Variants in BAZ1A observed in about 807,000 individuals in gnomAD.
BAZ1A encodes the protein bromodomain adjacent to zinc finger domain 1A.
In BAZ1A, 50 loss-of-function variants were observed where a neutral mutation model predicts 185.2. That is an observed-to-expected ratio of 0.27 (90% confidence interval 0.22 to 0.34). The LOEUF (loss-of-function observed/expected upper bound fraction) is 0.34. BAZ1A is among the 10% of genes least tolerant of loss of function. BAZ1A has a pLI of 1.00. For synonymous variants in BAZ1A, 571 were observed against 615.6 expected, an observed-to-expected ratio of 0.93 and a Z score of 1.07; for missense variants, 1,356 against 1,839.9, an observed-to-expected ratio of 0.74 and a Z score of 4.81.
At position 34,825,447 on chromosome 14, in the gene BAZ1A, C is replaced by CAAAAAA. The variant is rs35449855; in HGVS notation, c.536+560_536+565dup. 7.5e-3 allele frequency among the ~76,000 whole-genome samples: 414 copies of CAAAAAA among 55,378 alleles called. 51 individuals carry two copies. Among genetic ancestry groups the CAAAAAA allele is most frequent in the Middle Eastern group, 0.02 (2 of 100 alleles). The allele number at this position is 55,378 out of a possible 152,430, so 36.3% of individuals were successfully genotyped here. On this transcript the variant is annotated intron_variant, in intron 4 of 26. Transcript: ENST00000360310. ...GGGCAACAAGATGGAAACTCTGTCT[C>CAAAAAA]AAAAAAAAAAAAAAAAAAAAAAAAA...
intron 3 of BAZ1A, among the ~76,000 whole-genome samples, chr14:34,837,249 CTT>C (rs956528567): frequency 6.6e-5 from 10 of 151,098 alleles, no homozygotes; most frequent in African/African-American, 2.2e-4. Context: ...TAATAAGTCT[CTT>C]TTTTTCTTTT....
In BAZ1A at chr14:34,811,048, A is replaced by G. The variant is rs779804080; in HGVS notation, c.537-12T>C. Reference sequence around the variant, plus strand: ...CATCTTTTTTCTTCCTAAAAAGAAGAGGGAAAAGACACAAATCAGTTAATA... The same window carrying G: ...CATCTTTTTTCTTCCTAAAAAGAAGGGGGAAAAGACACAAATCAGTTAATA... On this transcript the variant is annotated splice_polypyrimidine_tract_variant and intron_variant, in intron 4 of 26. Transcript: ENST00000360310. The G allele has an allele frequency of 7.3e-6, 11 of 1,512,734 alleles. No homozygotes were observed. In the South Asian group the frequency reaches 1.3e-4, roughly 18 times the overall value. 93.7% of individuals were successfully genotyped at this position (1,512,734 alleles called of 1,614,324 possible).
chr14:34,803,047 A>G, intron 6 of BAZ1A, 59 bp from the exon 7 acceptor site: 1 of 1,482,328 alleles, frequency 6.7e-7, no homozygotes, highest in South Asian at 1.2e-5. Context: ...ACATACAGAT[A>G]TGCCCTAACA....
rs1186378017 is a variant in BAZ1A, at chr14:34,765,099, T to C, written c.3471A>G (p.Lys1157=). Residue 1157 remains lysine, a synonymous_variant, in exon 22 of 27, where the codon AAA becomes AAG. Transcript: ENST00000360310. ...AAAGAACCATGTTTTCAGCATCGCC[T>C]TTCTTTCGACATATCTTGCAACGCG... The part of the protein sequence containing the change: ...LNARCKICRK[K]GDAENMVLCD... 1 of 1,614,220 alleles carries C rather than the reference T, an allele frequency of 6.2e-7. No homozygotes were observed. Among genetic ancestry groups the C allele is most frequent in the Non-Finnish European group, 8.5e-7 (1 of 1,180,036 alleles).
intron 3 of BAZ1A, among the ~76,000 whole-genome samples, chr14:34,837,484 C>T (rs1473632604): frequency 6.6e-6 from 1 of 150,386 alleles, no homozygotes; most frequent in Admixed American, 6.6e-5. Context: ...AACAATCCTC[C>T]TGCCTCAGTC....
At chr14:34,858,629 T>A (rs528921742) in intron 3 of BAZ1A, among the ~76,000 whole-genome samples, 3 of 152,116 alleles carry the variant, frequency 2.0e-5, no homozygotes, top group East Asian at 1.9e-4. Context: ...ATTTAAAAAA[T>A]TTTTATCAAG....
chr14:34,845,274 C>CTTTTTTT (rs71121228), intron 3 of BAZ1A: 1 of 132,486 alleles, frequency 7.5e-6, no homozygotes, highest in Non-Finnish European at 1.6e-5. Context: ...TCAACTTTTT[C>CTTTTTTT]TTTTTTTTTT....
chr14:34,763,421 TAAAA>T (rs1162162277), intron 23 of BAZ1A, among the ~76,000 whole-genome samples: 15 of 134,068 alleles, frequency 1.1e-4, no homozygotes, highest in African/African-American at 3.8e-4. Context: ...TTCAAATGTT[TAAAA>T]AAAAAAAAAA....
intron 21 of BAZ1A, chr14:34,768,894 G>T: frequency 4.1e-6 from 1 of 244,438 alleles, no homozygotes; most frequent in East Asian, 1.1e-4. Context: ...ACATCCTCAT[G>T]TATCTTACCT....
In BAZ1A at chr14:34,792,944, G is replaced by A. The variant is rs1308363973; in HGVS notation, c.1364-23C>T. ...CTTCTGTGAATAAAATGTTTAAAAT[G>A]AATTTAAAGTTCTGTTCATGTACTG... On this transcript the variant is annotated intron_variant, in intron 11 of 26. Coordinates refer to ENST00000360310, the MANE Select transcript of BAZ1A (RefSeq NM_013448.3). The A allele has an allele frequency of 5.7e-6, 9 of 1,590,584 alleles. No individual in the cohort carries two copies. In the South Asian group the frequency reaches 8.1e-5, roughly 14 times the overall value.
chr14:34,841,443 T>G (rs1475995341), intron 3 of BAZ1A, among the ~76,000 whole-genome samples: 1 of 152,108 alleles, frequency 6.6e-6, no homozygotes, highest in Non-Finnish European at 1.5e-5. Flanking sequence ...CAGGCTGGAG[T>G]GCAATGGTGC....
intron 6 of BAZ1A, 59 bp downstream of exon 6, chr14:34,807,392 T>G: frequency 7.8e-7 from 1 of 1,288,248 alleles, no homozygotes. Context: ...TGTTATAACT[T>G]TATAACACTA....
chr14:34,862,102 C>T lies in BAZ1A; in HGVS notation c.334G>A (p.Val112Ile). Residue 112 changes from valine (V) to isoleucine (I), a missense_variant, in exon 3 of 27, where the codon GTC becomes ATC. Physicochemically the swap from Val to Ile is conservative, Grantham distance 29 (BLOSUM62 3). Around this residue, in one of 7 missense-constraint regions of BAZ1A, gnomAD observed 332 missense variants for 395.3 expected, o/e 0.84. Coordinates refer to ENST00000360310, the MANE Select transcript of BAZ1A (RefSeq NM_013448.3). ...HEICDDIFAY[V>I]KDRYFVEETV... ...TCTTCGACAAAATATCGATCCTTGACATATGCAAAGATATCATCACAAATT... is the reference window on the plus strand; with the variant it reads ...TCTTCGACAAAATATCGATCCTTGATATATGCAAAGATATCATCACAAATT... 1 of 1,614,144 alleles carries T rather than the reference C, an allele frequency of 6.2e-7. No homozygotes were observed. Among genetic ancestry groups the T allele is most frequent in the Non-Finnish European group, 8.5e-7 (1 of 1,179,996 alleles).
At chr14:34,824,067 T>C (rs1241527818) in intron 4 of BAZ1A, among the ~76,000 whole-genome samples, 1 of 151,826 alleles carries the variant, frequency 6.6e-6, no homozygotes, top group Non-Finnish European at 1.5e-5. Flanking sequence ...TAATTTATTT[T>C]TCTGGTTAAT....
intron 3 of BAZ1A, among the ~76,000 whole-genome samples, chr14:34,847,004 A>C (rs2042523884): frequency 6.6e-6 from 1 of 152,212 alleles, no homozygotes; most frequent in Non-Finnish European, 1.5e-5. Context: ...TAATCCCAGC[A>C]CTTTGGGAGG....
chr14:34,794,291 A>C (rs147629045), intron 11 of BAZ1A, among the ~76,000 whole-genome samples: 3 of 152,240 alleles, frequency 2.0e-5, no homozygotes, highest in Admixed American at 6.5e-5. Context: ...GTAAAAGTAT[A>C]TAAGTACACA....
chr14:34,776,006 T>G lies in BAZ1A; in HGVS notation c.2746A>C (p.Ser916Arg). 1 of 1,614,160 alleles carries G rather than the reference T, an allele frequency of 6.2e-7. No individual in the cohort carries two copies. The highest frequency in any genetic ancestry group is 8.5e-7 in the Non-Finnish European group (1 of 1,179,968). Residue 916 changes from serine (S) to arginine (R), a missense_variant, in exon 18 of 27, where the codon AGT (serine) becomes CGT (arginine). Around this residue, in one of 7 missense-constraint regions of BAZ1A, gnomAD observed 434 missense variants for 561.7 expected, o/e 0.77. Coordinates refer to ENST00000360310, the MANE Select transcript of BAZ1A (RefSeq NM_013448.3). ...EALNSRGHRE[S>R]ALKETLLQEK... ...TGTAACAAAGTTTCTTTTAAGGCACTTTCTCTATGTCCTCTAGAATTAAGA... is the reference window on the plus strand; with the variant it reads ...TGTAACAAAGTTTCTTTTAAGGCACGTTCTCTATGTCCTCTAGAATTAAGA...
chr14:34,801,448 C>T (rs1410235119), intron 7 of BAZ1A, among the ~76,000 whole-genome samples: 1 of 99,814 alleles, frequency 1.0e-5, no homozygotes, highest in Non-Finnish European at 1.9e-5. Flanking sequence ...TGTGCCACCA[C>T]ACCTGGCTAA....
In BAZ1A at chr14:34,785,932, G is replaced by A; in HGVS notation, c.1676C>T (p.Ala559Val). ...LSEILRLHIL[A>V]SGADVTSANA... is the part of the protein sequence containing the mutation. The stretch of plus-strand genomic sequence containing the variant: ...TGCTGATGTTACATCAGCACCTGAA[G>A]CTAAGATGTGCAGTCTGAGGATTTC... Residue 559 changes from alanine to valine, a missense_variant, in exon 14 of 27, where the codon GCT becomes GTT. Coordinates refer to ENST00000360310, the MANE Select transcript of BAZ1A (RefSeq NM_013448.3). The A allele has an allele frequency of 6.2e-7, 1 of 1,614,116 alleles. No homozygotes were observed.
Sources: gnomAD v4.1 joint callset for allele counts (sites outside exome capture counted in the v4.1 genomes callset) on GRCh38, gnomAD v4.1.1 for gene constraint, gnomAD v4.1.1 regional missense constraint, MANE v1.5 for transcripts, NCBI Gene and HGNC (gene_info 2026-07-23, HGNC 2026-07-21) for gene names.